The following VEGFC variants were observed in gnomAD, a reference collection of about 807,000 sequenced individuals.
The protein encoded by VEGFC is FLT4 ligand DHM.
VEGFC carries 12 observed loss-of-function variants against 46.1 expected under a neutral mutation model. The observed-to-expected ratio is 0.26, with a 90% confidence interval of 0.17 to 0.42. The LOEUF is 0.42. Among genes scored for constraint, VEGFC ranks in the 10% least tolerant of loss-of-function variants. The pLI, the probability that VEGFC is intolerant of heterozygous loss-of-function variation, is 1.00. For missense variants in VEGFC, 488 were observed against 529.4 expected (o/e 0.92, Z 0.77); for synonymous variants, 232 against 195.5 (o/e 1.19, Z -1.56).
rs77037940 is a variant in VEGFC, at chr4:176,760,821, C to T, written c.148-31075G>A. 2.9e-3 allele frequency among the ~76,000 whole-genome samples: 437 copies of T among 152,092 alleles called. 2 individuals are homozygous for T. The highest frequency in any genetic ancestry group is 5.3e-3 in the Non-Finnish European group (361 of 67,976). ...AAACAATGAATTTTTTTTAAAGAAC[C>T]GAAGAAATGCGATATTGAGGGAGCT... is the stretch of plus-strand genomic sequence containing the variant. On this transcript the variant is annotated intron_variant, in intron 1 of 6. Transcript: ENST00000618562.
intron 3 of VEGFC, among the ~76,000 whole-genome samples, chr4:176,725,235 T>G (rs943469266): frequency 6.6e-6 from 1 of 152,170 alleles, no homozygotes; most frequent in South Asian, 2.1e-4. Flanking sequence ...AAAAAGATTT[T>G]TGTCTTATTT....
At chr4:176,721,928 G>A (rs960442041) in intron 3 of VEGFC, among the ~76,000 whole-genome samples, 1 of 152,084 alleles carries the variant, frequency 6.6e-6, no homozygotes, top group African/African-American at 2.4e-5. Flanking sequence ...TGCAGAGAAG[G>A]TGTCTTAGGT....
At position 176,690,653 on chromosome 4, in the gene VEGFC, ATAGT is replaced by A. The variant is rs574879447; in HGVS notation, c.705-2730_705-2727del. ...TGTTTTTAAAATTTATATCCTCTTG[ATAGT>A]TAGCATCCTTCCATCAAATATGATA... is the stretch of plus-strand genomic sequence containing the variant. On this transcript the variant is annotated intron_variant, in intron 4 of 6. Coordinates refer to ENST00000618562, the MANE Select transcript of VEGFC (RefSeq NM_005429.5). Among the ~76,000 whole-genome samples the A allele has an allele frequency of 4.6e-5, 7 of 152,294 alleles. No individual in the cohort carries two copies. The South Asian group carries it at 1.2e-3, about 27-fold the overall frequency.
chr4:176,701,082 C>A (rs925368540), intron 4 of VEGFC, among the ~76,000 whole-genome samples: 23 of 152,110 alleles, frequency 1.5e-4, no homozygotes, highest in African/African-American at 5.1e-4. Context: ...AAAGAGGGAA[C>A]CCTAATGTAA....
chr4:176,731,082 T>A (rs1289210458), intron 1 of VEGFC, among the ~76,000 whole-genome samples: 1 of 152,070 alleles, frequency 6.6e-6, no homozygotes, highest in African/African-American at 2.4e-5. Flanking sequence ...TTTATATTAT[T>A]CCATTACTTT....
chr4:176,698,051 G>A (rs1734355295), intron 4 of VEGFC, among the ~76,000 whole-genome samples: 1 of 151,864 alleles, frequency 6.6e-6, no homozygotes, highest in Non-Finnish European at 1.5e-5. Flanking sequence ...AAGTTAGTGG[G>A]TGCAGCACAC....
intron 1 of VEGFC, among the ~76,000 whole-genome samples, chr4:176,754,230 G>GC (rs796707306): frequency 2.2e-5 from 3 of 137,894 alleles, no homozygotes; most frequent in South Asian, 2.3e-4. Context: ...GTCTTAACTT[G>GC]TTTTTTTTTT....
Position 176,792,226 on chromosome 4 carries a change from G to A in VEGFC, c.86C>T (p.Ala29Val). Residue 29 changes from alanine (A) to valine (V), a missense_variant, in exon 1 of 7, where the codon GCC (alanine) becomes GTC (valine). Coordinates refer to ENST00000618562, the MANE Select transcript of VEGFC (RefSeq NM_005429.5). This position sits in a 1 kb window ranked among gnomAD's most constrained non-coding sequence, Gnocchi z 6.3. Reference sequence around the variant, plus strand: ...GTCGAGTCCGGACTCGAAGGCGGCGGCGGCGGCGGGCGCCTCGCGAGGACC... The same window carrying A: ...GTCGAGTCCGGACTCGAAGGCGGCGACGGCGGCGGGCGCCTCGCGAGGACC... ...LPGPREAPAA[A>V]AAFESGLDLS... 1 of 1,556,730 alleles carries A rather than the reference G, an allele frequency of 6.4e-7. No homozygotes were observed. Among genetic ancestry groups the A allele is most frequent in the South Asian group, 1.2e-5 (1 of 85,130 alleles).
chr4:176,727,815 T>G lies in VEGFC; in HGVS notation c.515A>C (p.Gln172Pro). ...GTAGCTCGTGCTGGTGTTCATGCAC[T>G]GCAGCCCCTCACTATTGCAGCAACC... ...CGGCCNSEGL[Q>P]CMNTSTSYLS... The change falls in exon 3 of 7, where the codon CAG becomes CCG. Residue 172 changes from glutamine (Q) to proline (P), a missense_variant. Coordinates refer to ENST00000618562, the MANE Select transcript of VEGFC (RefSeq NM_005429.5). 6.2e-7 allele frequency: 1 copy of G among 1,613,896 alleles called. No individual in the cohort carries two copies. The highest frequency in any genetic ancestry group is 8.5e-7 in the Non-Finnish European group (1 of 1,179,816).
At chr4:176,703,627 A>C (rs772116571) in intron 4 of VEGFC, among the ~76,000 whole-genome samples, 7 of 152,162 alleles carry the variant, frequency 4.6e-5, no homozygotes, top group African/African-American at 7.2e-5. Context: ...AGAAGATTTA[A>C]AATGTTTACA....
In VEGFC at chr4:176,683,829, C is replaced by A; in HGVS notation, c.*97G>T. 1 of 961,660 alleles carries A rather than the reference C, an allele frequency of 1.0e-6. No homozygotes were observed. Among genetic ancestry groups the A allele is most frequent in the Non-Finnish European group, 1.6e-6 (1 of 609,312 alleles). The allele number at this position is 961,660 out of a possible 1,614,324, so 59.6% of individuals were successfully genotyped here. ...AAAGACAGACTTTTGTCTTTGTTAG[C>A]ATGGACCCACAAGGGTCTCTCTGTT... is the stretch of plus-strand genomic sequence containing the variant. On this transcript the variant is annotated 3_prime_UTR_variant, in exon 7 of 7. Transcript: ENST00000618562.
intron 3 of VEGFC, among the ~76,000 whole-genome samples, chr4:176,721,137 A>G (rs1734779583): frequency 6.6e-6 from 1 of 152,172 alleles, no homozygotes. Flanking sequence ...CTTAGTGGTA[A>G]GTAGTGTTTG....
At chr4:176,697,021 C>T (rs1448183218) in intron 4 of VEGFC, among the ~76,000 whole-genome samples, 1 of 151,020 alleles carries the variant, frequency 6.6e-6, no homozygotes, top group Non-Finnish European at 1.5e-5. Context: ...GACCTAAAAC[C>T]ATAAAAACCC....
At chr4:176,780,387 A>AAAAAAACAAAAAAAC (rs1553997799) in intron 1 of VEGFC, among the ~76,000 whole-genome samples, 4 of 114,760 alleles carry the variant, frequency 3.5e-5, no homozygotes, top group Admixed American at 2.1e-4. Flanking sequence ...ATCTCAAAAA[A>AAAAAAACAAAAAAAC]AAAAAAAAAA....
chr4:176,784,071 T>TTTTG (rs1560966745), intron 1 of VEGFC, among the ~76,000 whole-genome samples: 19 of 150,060 alleles, frequency 1.3e-4, no homozygotes, highest in East Asian at 5.9e-4. Flanking sequence ...CTGTTTTTTT[T>TTTTG]TTTTTTTTTT....
chr4:176,789,717 A>G (rs1265459520), intron 1 of VEGFC, among the ~76,000 whole-genome samples: 1 of 152,226 alleles, frequency 6.6e-6, no homozygotes, highest in African/African-American at 2.4e-5. Context: ...ACAAATAACT[A>G]GAAATAGGAA....
chr4:176,700,707 G>A (rs1734414906), intron 4 of VEGFC, among the ~76,000 whole-genome samples: 1 of 152,110 alleles, frequency 6.6e-6, no homozygotes, highest in Non-Finnish European at 1.5e-5. Flanking sequence ...GTATTGGCAG[G>A]TTGAAACAAT....
At chr4:176,757,546 T>A (rs1424097904) in intron 1 of VEGFC, among the ~76,000 whole-genome samples, 1 of 151,880 alleles carries the variant, frequency 6.6e-6, no homozygotes, top group Non-Finnish European at 1.5e-5. Flanking sequence ...GATAATCAAA[T>A]TCTAAAATAA....
intron 1 of VEGFC, among the ~76,000 whole-genome samples, chr4:176,751,117 T>C (rs73009517): frequency 0.056 from 8,486 of 151,728 alleles, 450 homozygotes; most frequent in African/African-American, 0.12. Flanking sequence ...AGAAAAAGAA[T>C]GAAAATGTAC....
Sources: gnomAD v4.1 joint callset for allele counts (sites outside exome capture counted in the v4.1 genomes callset) on GRCh38, gnomAD v4.1.1 for gene constraint, Gnocchi (gnomAD v3.1) non-coding constraint, MANE v1.5 for transcripts, NCBI Gene and HGNC (gene_info 2026-07-23, HGNC 2026-07-21) for gene names.